RNF169: variants seen among roughly 807,000 people sequenced by gnomAD.
RNF169 encodes the protein ring finger protein 169.
Under a neutral mutation model 53.9 loss-of-function variants are expected in RNF169, and 24 were observed. The observed-to-expected ratio is 0.45, with a 90% CI of 0.32 to 0.63. The LOEUF is 0.63. RNF169 is among the 20% of genes least tolerant of loss of function. RNF169 has a pLI of 0.04. For synonymous variants in RNF169, 396 were observed against 363.5 expected, an observed-to-expected ratio of 1.09 and a Z score of -1.02; for missense variants, 883 against 906.2, an observed-to-expected ratio of 0.97 and a Z score of 0.33.
intron 3 of RNF169, 79 bp from the exon 4 acceptor site, chr11:74,817,517 A>C (rs1032937856): frequency 1.6e-5 from 13 of 836,822 alleles, no homozygotes; most frequent in Non-Finnish European, 2.4e-5. Flanking sequence ...ACATAGAGAA[A>C]GAGATTTGAA....
intron 1 of RNF169, among the ~76,000 whole-genome samples, chr11:74,770,573 C>G (rs572172020): frequency 2.0e-5 from 3 of 152,192 alleles, no homozygotes; most frequent in Admixed American, 2.0e-4. Context: ...AATAATGGCT[C>G]GCAGTTCCTC....
chr11:74,801,015 T>A (rs1478861308), intron 2 of RNF169, among the ~76,000 whole-genome samples: 2 of 152,248 alleles, frequency 1.3e-5, no homozygotes, highest in African/African-American at 4.8e-5. Flanking sequence ...AATATCTTAT[T>A]ACATAAGAAG....
chr11:74,814,829 C>A (rs1264124576), intron 3 of RNF169, among the ~76,000 whole-genome samples: 1 of 152,126 alleles, frequency 6.6e-6, no homozygotes, highest in African/African-American at 2.4e-5. Context: ...CCATTTGTCT[C>A]ATTTTTTTCT....
intron 1 of RNF169, among the ~76,000 whole-genome samples, chr11:74,771,579 C>T (rs1449890813): frequency 6.6e-6 from 1 of 152,070 alleles, no homozygotes; most frequent in East Asian, 1.9e-4. Flanking sequence ...TGGTGCACAC[C>T]TATAGTCCCA....
intron 4 of RNF169, among the ~76,000 whole-genome samples, chr11:74,830,076 G>A (rs993497522): frequency 1.1e-4 from 17 of 152,014 alleles, no homozygotes; most frequent in African/African-American, 2.9e-4. Flanking sequence ...TGAAAGCAGC[G>A]CTCAGAGGGA....
At chr11:74,815,942 A>C (rs1290122935) in intron 3 of RNF169, among the ~76,000 whole-genome samples, 2 of 152,218 alleles carry the variant, frequency 1.3e-5, no homozygotes, top group Non-Finnish European at 1.5e-5. Context: ...TGAGAAGAGA[A>C]TATTATATAA....
chr11:74,757,130 A>G (rs1268936630), intron 1 of RNF169, among the ~76,000 whole-genome samples: 1 of 113,448 alleles, frequency 8.8e-6, no homozygotes, highest in Non-Finnish European at 1.8e-5. Context: ...TATATCTCCC[A>G]ATGCTATCCC....
intron 4 of RNF169, among the ~76,000 whole-genome samples, chr11:74,821,055 G>A (rs1356170839): frequency 3.3e-5 from 5 of 152,174 alleles, no homozygotes. Flanking sequence ...AGAAGGAATT[G>A]GAACCCAGTT....
At chr11:74,756,722 G>A (rs2034989293) in intron 1 of RNF169, among the ~76,000 whole-genome samples, 1 of 152,076 alleles carries the variant, frequency 6.6e-6, no homozygotes, top group African/African-American at 2.4e-5. Context: ...AACAGAAGTG[G>A]TTAGAGTATA....
chr11:74,800,530 A>C (rs960381385), intron 2 of RNF169, among the ~76,000 whole-genome samples: 1 of 152,194 alleles, frequency 6.6e-6, no homozygotes, highest in Non-Finnish European at 1.5e-5. Flanking sequence ...TAAAATAGAC[A>C]TCATAGTACC....
intron 1 of RNF169, among the ~76,000 whole-genome samples, chr11:74,753,356 G>C (rs1223030109): frequency 6.6e-6 from 1 of 152,184 alleles, no homozygotes; most frequent in African/African-American, 2.4e-5. Flanking sequence ...GTTTACATGA[G>C]TTGATAGTAG....
rs552779736 is a variant in RNF169 at position 74,809,814 on chromosome 11, C to T, written c.577-370C>T. Among the ~76,000 whole-genome samples the T allele has an allele frequency of 6.6e-5, 10 of 152,356 alleles. No homozygotes were observed. The South Asian group carries it at 1.9e-3, about 28-fold the overall frequency. On this transcript the variant is annotated intron_variant, in intron 2 of 5. Transcript: ENST00000299563. The stretch of plus-strand genomic sequence containing the variant: ...GTCCAGCTTCTCTGGCTTTCTGTGG[C>T]CATCTCTGCTCTTCTTCTAGTCCAA...
intron 1 of RNF169, among the ~76,000 whole-genome samples, chr11:74,752,164 G>A (rs755775691): frequency 2.7e-5 from 4 of 147,706 alleles, no homozygotes; most frequent in Non-Finnish European, 5.9e-5. Context: ...CCCAGGAGGC[G>A]GAGGTTGCAG....
intron 1 of RNF169, among the ~76,000 whole-genome samples, chr11:74,762,626 A>G (rs1348838822): frequency 6.6e-6 from 1 of 152,228 alleles, no homozygotes; most frequent in Non-Finnish European, 1.5e-5. Flanking sequence ...CTATTCGGCC[A>G]TCCGACAATT....
chr11:74,754,251 T>C (rs1276217354), intron 1 of RNF169, among the ~76,000 whole-genome samples: 2 of 152,176 alleles, frequency 1.3e-5, no homozygotes, highest in African/African-American at 2.4e-5. Flanking sequence ...CAGGCTTACA[T>C]AGGTAGATTT....
At chr11:74,789,027 A>C (rs2035544589) in intron 1 of RNF169, among the ~76,000 whole-genome samples, 1 of 152,162 alleles carries the variant, frequency 6.6e-6, no homozygotes, top group East Asian at 1.9e-4. Context: ...AAGTCATTTA[A>C]TCCTTCAGTT....
intron 2 of RNF169, among the ~76,000 whole-genome samples, chr11:74,804,036 A>G (rs1173611705): frequency 1.3e-5 from 2 of 152,242 alleles, no homozygotes; most frequent in African/African-American, 4.8e-5. Flanking sequence ...GAGAGAAAAA[A>G]AATCACTTCT....
intron 2 of RNF169, among the ~76,000 whole-genome samples, chr11:74,793,715 A>G (rs960578168): frequency 1.3e-5 from 2 of 152,172 alleles, no homozygotes; most frequent in Non-Finnish European, 2.9e-5. Flanking sequence ...TCTAAATTTT[A>G]TCATTCTGTG....
In RNF169 at chr11:74,758,361, TCTGTTTTGGTACCAGTACCATG is replaced by T. The variant is rs540831276; in HGVS notation, c.502+8990_502+9011del. 3.0e-3 allele frequency among the ~76,000 whole-genome samples: 449 copies of T among 147,816 alleles called. 3 individuals are homozygous for T. Among genetic ancestry groups the T allele is most frequent in the African/African-American group, 0.011 (430 of 39,354 alleles). On this transcript the variant is annotated intron_variant, in intron 1 of 5. Transcript: ENST00000299563. ...CTGTTCTGTTCCATTGATCTATATCTCTGTTTTGGTACCAGTACCATGCTGTTTTGGTTACTGTAGCCTTGTA... is the reference window on the plus strand; with the variant it reads ...CTGTTCTGTTCCATTGATCTATATCTCTGTTTTGGTTACTGTAGCCTTGTA...
Sources: gnomAD v4.1 joint callset for allele counts (sites outside exome capture counted in the v4.1 genomes callset) on GRCh38, gnomAD v4.1.1 for gene constraint, MANE v1.5 for transcripts, NCBI Gene and HGNC (gene_info 2026-07-23, HGNC 2026-07-21) for gene names.